The following COL21A1 variants were observed in gnomAD, a reference collection of about 807,000 sequenced individuals.
The protein encoded by COL21A1 is collagen alpha-1(XXI) chain.
In COL21A1, 149 loss-of-function variants were observed where a neutral mutation model predicts 137.9. The observed-to-expected ratio is 1.08, with a 90% CI of 0.95 to 1.24. COL21A1 has a LOEUF of 1.24. Among genes scored for constraint, COL21A1 ranks in the 50% most tolerant of loss-of-function variants. The probability of loss-of-function intolerance (pLI) is 0.00; values close to 1 mark genes in which losing one functional copy is unlikely to be tolerated. For missense variants in COL21A1, 1,167 were observed against 1,158.4 expected (o/e 1.01, Z -0.11); for synonymous variants, 456 against 391.5 (o/e 1.16, Z -1.95).
At chr6:56,376,460 A>G (rs191979194) in intron 1 of COL21A1, among the ~76,000 whole-genome samples, 1 of 146,974 alleles carries the variant, frequency 6.8e-6, no homozygotes, top group Admixed American at 6.7e-5. Flanking sequence ...TTTTTTTTTT[A>G]ATGAAATGTG....
At chr6:56,308,691 C>A (rs1293674346) in intron 1 of COL21A1, among the ~76,000 whole-genome samples, 1 of 151,506 alleles carries the variant, frequency 6.6e-6, no homozygotes. Flanking sequence ...ATATATTGTA[C>A]ATCAAAATTT....
At chr6:56,351,880 T>G (rs1188667136) in intron 1 of COL21A1, among the ~76,000 whole-genome samples, 2 of 152,198 alleles carry the variant, frequency 1.3e-5, no homozygotes, top group Non-Finnish European at 2.9e-5. Context: ...ATGTTAAATG[T>G]CAGGGCTGCG....
intron 22 of COL21A1, 110 bp downstream of exon 22, chr6:56,068,936 A>G: frequency 1.4e-6 from 1 of 716,192 alleles, no homozygotes; most frequent in South Asian, 1.7e-5. Flanking sequence ...AGGGTACTTT[A>G]TCATTAAAAA....
chr6:56,277,665 C>T (rs907647121), intron 1 of COL21A1, among the ~76,000 whole-genome samples: 8 of 152,164 alleles, frequency 5.3e-5, no homozygotes, highest in Non-Finnish European at 1.0e-4. Context: ...ATGTCCTTAA[C>T]TCCTTGATCT....
intron 1 of COL21A1, among the ~76,000 whole-genome samples, chr6:56,257,595 A>G (rs903128625): frequency 1.3e-5 from 2 of 152,188 alleles, no homozygotes; most frequent in Non-Finnish European, 2.9e-5. Context: ...TTTTCTGTAA[A>G]GACCCAAATA....
At chr6:56,174,309 G>A (rs1313962420) in intron 3 of COL21A1, among the ~76,000 whole-genome samples, 1 of 151,874 alleles carries the variant, frequency 6.6e-6, no homozygotes, top group Non-Finnish European at 1.5e-5. Context: ...GAAGTTAGCA[G>A]GAGGAAAAAA....
chr6:56,350,933 G>A (rs1344234602), intron 1 of COL21A1, among the ~76,000 whole-genome samples: 2 of 152,222 alleles, frequency 1.3e-5, no homozygotes, highest in African/African-American at 4.8e-5. Flanking sequence ...TTAGCTTATT[G>A]CTGAATATTT....
chr6:56,107,435 A>AT (rs1392478939), intron 16 of COL21A1, among the ~76,000 whole-genome samples: 1 of 152,160 alleles, frequency 6.6e-6, no homozygotes, highest in African/African-American at 2.4e-5. Flanking sequence ...CAGAAAAAAA[A>AT]AAATCCCTGA....
rs754832242 is a variant in COL21A1, at chr6:56,060,930, A to T, written c.2313T>A (p.Asp771Glu). The T allele has an allele frequency of 8.9e-6, 14 of 1,580,994 alleles. No homozygotes were observed. The highest frequency in any genetic ancestry group is 1.2e-5 in the Non-Finnish European group (14 of 1,169,036). ...GPAGPKGQPG[D>E]PGPQGPPGLD... ...AACCTGGGGGTCCCTGAGGACCTGG[A>T]TCCCCAGGTTGCCCCTTAGGACCTG... Residue 771 changes from aspartate (D) to glutamate (E), a missense_variant, in exon 26 of 30, where the codon GAT (aspartate) becomes GAA (glutamate). Physicochemically the swap from Asp to Glu is conservative, Grantham distance 45. Coordinates refer to ENST00000244728, the MANE Select transcript of COL21A1 (RefSeq NM_030820.4).
At chr6:56,227,259 G>A (rs539983924) in intron 1 of COL21A1, among the ~76,000 whole-genome samples, 5 of 152,110 alleles carry the variant, frequency 3.3e-5, no homozygotes, top group African/African-American at 1.2e-4. Context: ...AATATGACAT[G>A]CTAGTTCATG....
At chr6:56,123,690 G>A (rs1772752753) in intron 16 of COL21A1, among the ~76,000 whole-genome samples, 3 of 152,156 alleles carry the variant, frequency 2.0e-5, no homozygotes, top group African/African-American at 4.8e-5. Context: ...ATGCTCTCAT[G>A]CCCATACCAC....
At chr6:56,077,039 A>C (rs1767302276) in intron 18 of COL21A1, among the ~76,000 whole-genome samples, 1 of 151,520 alleles carries the variant, frequency 6.6e-6, no homozygotes, top group African/African-American at 2.4e-5. Context: ...GATTTTTCAA[A>C]GTTAACAATG....
At chr6:56,303,704 C>A (rs1764360006) in intron 1 of COL21A1, among the ~76,000 whole-genome samples, 1 of 152,156 alleles carries the variant, frequency 6.6e-6, no homozygotes, top group Non-Finnish European at 1.5e-5. Flanking sequence ...TCCTCTTTTC[C>A]TAATTGAATA....
At chr6:56,179,084 CAA>C (rs1158574946) in intron 3 of COL21A1, among the ~76,000 whole-genome samples, 1 of 151,340 alleles carries the variant, frequency 6.6e-6, no homozygotes, top group Non-Finnish European at 1.5e-5. Flanking sequence ...ATTGTATACA[CAA>C]GAGTATATCA....
chr6:56,245,981 A>T (rs1782616919), intron 1 of COL21A1, among the ~76,000 whole-genome samples: 1 of 152,180 alleles, frequency 6.6e-6, no homozygotes. Flanking sequence ...AGATTTTCTT[A>T]TCCAGTGTCA....
chr6:56,375,481 C>G, intron 1 of COL21A1, among the ~76,000 whole-genome samples: 1 of 152,328 alleles, frequency 6.6e-6, no homozygotes, highest in African/African-American at 2.4e-5. Flanking sequence ...AAGCAGTCTT[C>G]TCTGGAAAGG....
At chr6:56,393,677 A>G (rs531172800) in intron 1 of COL21A1, among the ~76,000 whole-genome samples, 14 of 152,314 alleles carry the variant, frequency 9.2e-5, no homozygotes, top group Non-Finnish European at 1.5e-5. Context: ...GGAAAACTGA[A>G]AGAAACCACA....
intron 1 of COL21A1, among the ~76,000 whole-genome samples, chr6:56,199,159 C>T (rs987406763): frequency 6.6e-6 from 1 of 152,020 alleles, no homozygotes; most frequent in Non-Finnish European, 1.5e-5. Context: ...GTAACTATTA[C>T]AGTTGTAGGG....
At chr6:56,283,980 G>A (rs1443211612) in intron 1 of COL21A1, among the ~76,000 whole-genome samples, 1 of 152,234 alleles carries the variant, frequency 6.6e-6, no homozygotes, top group South Asian at 2.1e-4. Context: ...TACTTGGGGT[G>A]AGGTGATTTC....
Sources: allele counts gnomAD v4.1 joint callset (sites outside exome capture counted in the v4.1 genomes callset), GRCh38; gene constraint gnomAD v4.1.1; transcripts MANE v1.5; gene names NCBI Gene and HGNC (gene_info 2026-07-23, HGNC 2026-07-21).